UBE3D: variants seen among roughly 807,000 people sequenced by gnomAD.
The protein encoded by UBE3D is E3 ubiquitin-protein ligase E3D.
UBE3D carries 48 observed loss-of-function variants against 49.6 expected under a neutral mutation model. The observed-to-expected ratio is 0.97, with a 90% CI of 0.77 to 1.23. The LOEUF (loss-of-function observed/expected upper bound fraction) is 1.23. Among genes scored for constraint, UBE3D ranks in the 50% most tolerant of loss-of-function variants. UBE3D has a pLI of 0.00. For synonymous variants in UBE3D, 189 were observed against 174.2 expected, an observed-to-expected ratio of 1.08 and a Z score of -0.67; for missense variants, 452 against 468.4, an observed-to-expected ratio of 0.96 and a Z score of 0.32.
chr6:82,910,097 T>G (rs575574979), intron 9 of UBE3D, among the ~76,000 whole-genome samples: 31 of 152,280 alleles, frequency 2.0e-4, no homozygotes, highest in Non-Finnish European at 3.4e-4. Context: ...ACTGGTGATT[T>G]TAAATTCCCA....
At chr6:82,896,748 C>CT (rs539610436) in intron 9 of UBE3D, among the ~76,000 whole-genome samples, 18,168 of 145,902 alleles carry the variant, frequency 0.12, 1,440 homozygotes, top group African/African-American at 0.22. Flanking sequence ...TTTGTCTTTT[C>CT]TTTTTTTTTT....
At chr6:82,881,385 G>A in the UBE3D span, among the ~76,000 whole-genome samples, 5 of 152,158 alleles carry the variant, frequency 3.3e-5, no homozygotes, top group Non-Finnish European at 5.9e-5. Flanking sequence ...TAGAATAAGA[G>A]GACAGAGAGA....
At chr6:82,940,736 C>G (rs1774945516) in intron 9 of UBE3D, among the ~76,000 whole-genome samples, 1 of 152,146 alleles carries the variant, frequency 6.6e-6, no homozygotes, top group African/African-American at 2.4e-5. Flanking sequence ...TATAATGTCC[C>G]CAAGGCCCAT....
chr6:82,982,949 G>C (rs1161920235), intron 8 of UBE3D, among the ~76,000 whole-genome samples: 5 of 151,910 alleles, frequency 3.3e-5, no homozygotes, highest in Non-Finnish European at 4.4e-5. Context: ...AAGCTATGAT[G>C]GTTCATAGCA....
chr6:82,914,770 T>C (rs1334055599), intron 9 of UBE3D, among the ~76,000 whole-genome samples: 2 of 152,188 alleles, frequency 1.3e-5, no homozygotes, highest in East Asian at 3.8e-4. Flanking sequence ...TACTTCCCCA[T>C]TTAGCAATCA....
chr6:82,983,174 T>G (rs1366816608), intron 8 of UBE3D, among the ~76,000 whole-genome samples: 1 of 129,604 alleles, frequency 7.7e-6, no homozygotes, highest in Non-Finnish European at 1.7e-5. Context: ...TTTTTTTTTA[T>G]CTTTTTTGGT....
chr6:82,967,523 A>G (rs1318072855), intron 8 of UBE3D, among the ~76,000 whole-genome samples: 1 of 152,160 alleles, frequency 6.6e-6, no homozygotes, highest in Non-Finnish European at 1.5e-5. Context: ...CTTCATCTCT[A>G]TAATTTTGTT....
intron 9 of UBE3D, among the ~76,000 whole-genome samples, chr6:82,940,976 G>T (rs1774965278): frequency 6.6e-6 from 1 of 152,132 alleles, no homozygotes; most frequent in African/African-American, 2.4e-5. Context: ...AATTTGGGAG[G>T]CCGAGGCAGG....
At chr6:82,905,951 C>T (rs1472459671) in intron 9 of UBE3D, among the ~76,000 whole-genome samples, 1 of 152,140 alleles carries the variant, frequency 6.6e-6, no homozygotes, top group Non-Finnish European at 1.5e-5. Flanking sequence ...CAAATCCCTG[C>T]CACAGACCTC....
At chr6:82,887,389 G>GTTTTTGTTTTGTTTTGTTTTTTTTTT in the UBE3D span, among the ~76,000 whole-genome samples, 3 of 98,326 alleles carry the variant, frequency 3.1e-5, 1 homozygote, top group African/African-American at 1.5e-4. Context: ...GACAGTAACA[G>GTTTTTGTTTTGTTTTGTTTTTTTTTT]TTTTTTTTTT....
chr6:83,018,011 T>C (rs1396490886), intron 8 of UBE3D: 3 of 151,824 alleles, frequency 2.0e-5, no homozygotes, highest in African/African-American at 7.3e-5. Flanking sequence ...AGTGGAAGAG[T>C]AGACAACAAA....
intron 8 of UBE3D, among the ~76,000 whole-genome samples, chr6:82,983,954 G>C (rs559103160): frequency 3.3e-5 from 5 of 151,966 alleles, no homozygotes; most frequent in Non-Finnish European, 7.4e-5. Context: ...TGGATTTTTA[G>C]AGATGGTTTA....
Position 83,017,701 on chromosome 6 carries a change from T to C in UBE3D, c.1010+1272A>G, listed in dbSNP as rs538727735. On this transcript the variant is annotated intron_variant, in intron 8 of 9. Coordinates refer to ENST00000369747, the MANE Select transcript of UBE3D (RefSeq NM_198920.3). ...CATGATGCCTTTTTACAAAATACTT[T>C]GATATTACCTCTCAAAATTTTAAAT... 6 of 152,264 alleles carry C rather than the reference T, an allele frequency of 3.9e-5. No homozygotes were observed. The South Asian group carries it at 1.0e-3, about 26-fold the overall frequency. The allele number at this position is 152,264 out of a possible 1,614,324, so 9.4% of individuals were successfully genotyped here.
chr6:82,948,743 A>C (rs553553578), intron 9 of UBE3D, among the ~76,000 whole-genome samples: 63 of 152,214 alleles, frequency 4.1e-4, no homozygotes, highest in Non-Finnish European at 7.4e-4. Flanking sequence ...ATATCATATC[A>C]ACAGAATGAA....
intron 3 of UBE3D, chr6:83,049,728 C>A (rs1265819268): frequency 4.2e-6 from 2 of 470,642 alleles, no homozygotes; most frequent in South Asian, 3.1e-5. Context: ...GAGAACAGGG[C>A]GAACCATCCA....
intron 4 of UBE3D, among the ~76,000 whole-genome samples, chr6:83,040,378 A>ACT (rs59340440): frequency 1.2e-4 from 18 of 146,858 alleles, no homozygotes; most frequent in East Asian, 4.1e-4. Context: ...AGCGAGACTG[A>ACT]CTCTCTCTCT....
intron 9 of UBE3D, among the ~76,000 whole-genome samples, chr6:82,933,462 C>A (rs1444651386): frequency 2.6e-5 from 4 of 152,186 alleles, no homozygotes; most frequent in African/African-American, 9.6e-5. Flanking sequence ...GTGGACTAAA[C>A]CACTGACAAC....
chr6:82,963,926 C>T (rs1429739388), intron 8 of UBE3D, among the ~76,000 whole-genome samples: 1 of 152,124 alleles, frequency 6.6e-6, no homozygotes, highest in East Asian at 1.9e-4. Flanking sequence ...GACTATTGGA[C>T]CTAAATCAGT....
chr6:82,981,790 G>A (rs1359935289), intron 8 of UBE3D, among the ~76,000 whole-genome samples: 2 of 152,026 alleles, frequency 1.3e-5, no homozygotes, highest in Non-Finnish European at 2.9e-5. Context: ...AAAAAAATCT[G>A]TTGCTAAAGC....
Sources: allele counts gnomAD v4.1 joint callset (sites outside exome capture counted in the v4.1 genomes callset), GRCh38; gene constraint gnomAD v4.1.1; transcripts MANE v1.5; gene names NCBI Gene and HGNC (gene_info 2026-07-23, HGNC 2026-07-21).